Variants in NME9 observed in about 807,000 individuals in gnomAD.
NME9 encodes the protein NME/NM23 family member 9.
Under a neutral mutation model 44.4 loss-of-function variants are expected in NME9, and 48 were observed. That is an observed-to-expected ratio of 1.08 (90% confidence interval 0.86 to 1.37). NME9 has a LOEUF of 1.37. Ranked by LOEUF, NME9 falls within the 40% of genes most tolerant of loss-of-function variation. NME9 has a pLI of 0.00. For missense variants in NME9, 325 were observed against 405.2 expected (o/e 0.80, Z 1.70); for synonymous variants, 139 against 147.1 (o/e 0.94, Z 0.40).
In NME9 at chr3:138,301,448, A is replaced by T. The variant is rs1380468995; in HGVS notation, c.*192T>A. ...TCAAACTCCTAATCTCAGGTGATCC[A>T]CCTGCCTCGGCCTCCCAAAGTGCTG... On this transcript the variant is annotated 3_prime_UTR_variant, in exon 11 of 11. Transcript: ENST00000333911. The T allele has an allele frequency of 8.8e-7, 1 of 1,131,174 alleles. No homozygotes were observed. The highest frequency in any genetic ancestry group is 1.2e-6 in the Non-Finnish European group (1 of 846,708). The allele number at this position is 1,131,174 out of a possible 1,614,324, so 70.1% of individuals were successfully genotyped here. A position where few individuals can be genotyped will look rare whatever the true frequency, so the allele number is the denominator to read the frequency against.
chr3:138,315,577 G>T lies in NME9; in HGVS notation c.334C>A (p.Gln112Lys). The T allele has an allele frequency of 6.5e-7, 1 of 1,536,638 alleles. No homozygotes were observed. Residue 112 changes from glutamine to lysine, a missense_variant, in exon 5 of 11, where the codon CAG becomes AAG. Physicochemically the swap from Gln to Lys is moderately conservative, Grantham distance 53. Transcript: ENST00000333911. ...APLLQKTILDQLEAEKKVLAE... is the reference protein window; with the variant it reads ...APLLQKTILDKLEAEKKVLAE... ...AGCACTTTCTTTTCGGCCTCCAGCT[G>T]GTCTAGGATGGTTTTCTGCAGCAGT...
At chr3:138,298,934 C>T (rs2051702252), downstream of NME9, among the ~76,000 whole-genome samples, 1 of 152,162 alleles carries the variant, frequency 6.6e-6, no homozygotes, top group Non-Finnish European at 1.5e-5. Context: ...TGGTGGGAAC[C>T]TCTGAGAGGA....
intron 8 of NME9, among the ~76,000 whole-genome samples, chr3:138,284,723 ATAT>A (rs1442012393): frequency 3.9e-5 from 6 of 152,314 alleles, no homozygotes; most frequent in African/African-American, 1.4e-4. Context: ...CCACTTGGTA[ATAT>A]TATTACCTGC....
intron 8 of NME9, chr3:138,263,588 G>T: frequency 4.3e-6 from 3 of 698,242 alleles, no homozygotes; most frequent in Non-Finnish European, 5.1e-6. Context: ...TGAGCTGCCC[G>T]CCCCCAGCGC....
chr3:138,324,734 AC>A, intron 2 of NME9, 138 bp downstream of exon 2: 17 of 548,730 alleles, frequency 3.1e-5, no homozygotes, highest in African/African-American at 3.9e-5. Flanking sequence ...ACACACACAC[AC>A]ACACATCACC....
At chr3:138,290,913 G>C in intron 8 of NME9, among the ~76,000 whole-genome samples, 1 of 152,334 alleles carries the variant, frequency 6.6e-6, no homozygotes, top group Middle Eastern at 3.4e-3. Flanking sequence ...ACATTCGCCT[G>C]ATCATTAGAA....
At chr3:138,306,509 CTGATGT>C in intron 6 of NME9, 29 bp from the exon 7 acceptor site, 1 of 1,463,418 alleles carries the variant, frequency 6.8e-7, no homozygotes, top group African/African-American at 1.4e-5. Context: ...CTGTCAGATG[CTGATGT>C]TTGAGGCTCC....
chr3:138,321,076 CTTTTCTCTG>C (rs2053435461), intron 2 of NME9, among the ~76,000 whole-genome samples: 4 of 152,160 alleles, frequency 2.6e-5, no homozygotes, highest in Non-Finnish European at 5.9e-5. Flanking sequence ...GTGCACTTTG[CTTTTCTCTG>C]AAAAGCCCAG....
intron 8 of NME9, among the ~76,000 whole-genome samples, chr3:138,289,977 C>G (rs2050785065): frequency 6.6e-6 from 1 of 152,138 alleles, no homozygotes. Flanking sequence ...GCCCACAGAC[C>G]TAGATACCAC....
chr3:138,277,645 T>A (rs867954979), intron 8 of NME9, among the ~76,000 whole-genome samples: 14 of 152,320 alleles, frequency 9.2e-5, no homozygotes, highest in Non-Finnish European at 1.5e-4. Context: ...AAAATTTTTT[T>A]AAAACAGTAC....
At position 138,324,900 on chromosome 3, in the gene NME9, C is replaced by T; in HGVS notation, c.64G>A (p.Glu22Lys). 1 of 1,613,834 alleles carries T rather than the reference C, an allele frequency of 6.2e-7. No individual in the cohort carries two copies. Among genetic ancestry groups the T allele is most frequent in the Non-Finnish European group, 8.5e-7 (1 of 1,179,760 alleles). ...VNISTQELWE[E>K]MLSSKGLTVV... ...GTTAGTCCTTTGGAACTGAGCATTT[C>T]CTCCCAAAGCTCTTGGGTGCTGATG... The change falls in exon 2 of 11, where the codon GAA (glutamate) becomes AAA (lysine). Residue 22 changes from glutamate (E) to lysine (K), a missense_variant. By Grantham distance (56) the Glu-to-Lys change is moderately conservative. Coordinates refer to ENST00000333911, the MANE Select transcript of NME9 (RefSeq NM_001349018.2).
At chr3:138,275,058 C>T (rs547399060) in intron 8 of NME9, among the ~76,000 whole-genome samples, 3 of 152,062 alleles carry the variant, frequency 2.0e-5, no homozygotes, top group East Asian at 1.9e-4. Context: ...TATTAAAGTA[C>T]GAAGCTGTGC....
intron 6 of NME9, among the ~76,000 whole-genome samples, chr3:138,313,425 ATGAGG>A (rs1208442096): frequency 1.3e-5 from 2 of 151,948 alleles, no homozygotes; most frequent in Non-Finnish European, 2.9e-5. Context: ...AAAAAGAATA[ATGAGG>A]TGAGGATGTA....
intron 8 of NME9, among the ~76,000 whole-genome samples, chr3:138,287,173 G>A (rs1488887029): frequency 6.6e-6 from 1 of 152,206 alleles, no homozygotes. Context: ...TCCCTCCACT[G>A]TTTAAATCTT....
At chr3:138,315,731 A>G in intron 4 of NME9, 88 bp from the exon 5 acceptor site, 2 of 1,055,064 alleles carry the variant, frequency 1.9e-6, no homozygotes, top group South Asian at 1.5e-5. Flanking sequence ...AGTGTCCCCA[A>G]GTTCAAGGTC....
Position 138,306,571 on chromosome 3 carries a change from C to T in NME9, c.461-91G>A, listed in dbSNP as rs953411377. 8.3e-5 allele frequency: 62 copies of T among 744,760 alleles called. No individual in the cohort carries two copies. The African/African-American group carries it at 1.0e-3, about 12-fold the overall frequency. The allele number at this position is 744,760 out of a possible 1,614,324, so 46.1% of individuals were successfully genotyped here. A position where few individuals can be genotyped will look rare whatever the true frequency, so the allele number is the denominator to read the frequency against. On this transcript the variant is annotated intron_variant, in intron 6 of 10. Coordinates refer to ENST00000333911, the MANE Select transcript of NME9 (RefSeq NM_001349018.2). ...ACAATGCAACCTCTACACAAGGCTC[C>T]ATTGCACCAAGTGCCAGGCACAGGC...
At chr3:138,286,521 G>A (rs2050431756) in intron 8 of NME9, among the ~76,000 whole-genome samples, 1 of 152,036 alleles carries the variant, frequency 6.6e-6, no homozygotes, top group African/African-American at 2.4e-5. Flanking sequence ...ACCTATCTCT[G>A]GACCCTTTTC....
At chr3:138,306,210 G>T in intron 7 of NME9, 114 bp from the exon 8 acceptor site, 1 of 863,638 alleles carries the variant, frequency 1.2e-6, no homozygotes, top group South Asian at 1.4e-5. Flanking sequence ...AGGCTGTGGA[G>T]ACACTGATCC....
chr3:138,267,295 C>G, intron 8 of NME9: 1 of 1,111,066 alleles, frequency 9.0e-7, no homozygotes. Flanking sequence ...AGAGCTTACT[C>G]AAATACTTTT....
Sources: allele counts gnomAD v4.1 joint callset (sites outside exome capture counted in the v4.1 genomes callset), GRCh38; gene constraint gnomAD v4.1.1; transcripts MANE v1.5; gene names NCBI Gene and HGNC (gene_info 2026-07-23, HGNC 2026-07-21).